ELP4: variants seen among roughly 807,000 people sequenced by gnomAD.
The protein encoded by ELP4 is elongator complex protein 4.
In ELP4, 51 loss-of-function variants were observed where a neutral mutation model predicts 48.9. The ratio of observed to expected loss-of-function variants is 1.04; its 90% CI spans 0.83 to 1.32. The LOEUF (loss-of-function observed/expected upper bound fraction) is 1.32. Among genes scored for constraint, ELP4 ranks in the 40% most tolerant of loss-of-function variants. The pLI is 0.00. For synonymous variants in ELP4, 210 were observed against 189.2 expected, an observed-to-expected ratio of 1.11 and a Z score of -0.90; for missense variants, 519 against 514.6, an observed-to-expected ratio of 1.01 and a Z score of -0.08.
chr11:31,758,690 A>G (rs901041518), intron 9 of ELP4, among the ~76,000 whole-genome samples: 5 of 141,318 alleles, frequency 3.5e-5, no homozygotes, highest in African/African-American at 1.3e-4. Flanking sequence ...TTTTTTTGAG[A>G]TGGTCTCACT....
intron 9 of ELP4, among the ~76,000 whole-genome samples, chr11:31,694,279 G>T (rs941380621): frequency 6.6e-6 from 1 of 152,090 alleles, no homozygotes; most frequent in African/African-American, 2.4e-5. Flanking sequence ...TTTCTTCTAG[G>T]GTTTTTATGG....
intron 9 of ELP4, among the ~76,000 whole-genome samples, chr11:31,736,721 A>G (rs1592266124): frequency 6.6e-6 from 1 of 152,252 alleles, no homozygotes; most frequent in African/African-American, 2.4e-5. Flanking sequence ...AAGACACATG[A>G]GAAAATGCTC....
intron 4 of ELP4, 71 bp downstream of exon 4, chr11:31,594,972 G>A: frequency 5.4e-6 from 7 of 1,301,998 alleles, no homozygotes; most frequent in Non-Finnish European, 7.3e-6. Context: ...ATCTCTTGTG[G>A]TATGCCTATA....
In ELP4 at chr11:31,647,760, G is replaced by A. The variant is rs749842817; in HGVS notation, c.947G>A (p.Arg316His). 37 of 1,607,758 alleles carry A rather than the reference G, an allele frequency of 2.3e-5. No individual in the cohort carries two copies. The highest frequency in any genetic ancestry group is 6.7e-5 in the African/African-American group (5 of 74,550). ...HLIQNKAIIA[R>H]VTTLSDVVVG... ...TTGCAGAATAAAGCCATTATTGCCC[G>A]TGTCACAACCTTGTCAGATGTAGTA... Residue 316 changes from arginine to histidine, a missense_variant, in exon 8 of 10, where the codon CGT becomes CAT. By Grantham distance (29) the Arg-to-His change is conservative. Transcript: ENST00000640961.
chr11:31,598,147 G>A (rs1364784534), intron 4 of ELP4, among the ~76,000 whole-genome samples: 4 of 151,508 alleles, frequency 2.6e-5, no homozygotes, highest in Admixed American at 6.6e-5. Context: ...ATAGAGATGG[G>A]GTTTCACTGT....
At chr11:31,679,254 C>G (rs1946005247) in intron 9 of ELP4, among the ~76,000 whole-genome samples, 1 of 152,104 alleles carries the variant, frequency 6.6e-6, no homozygotes, top group African/African-American at 2.4e-5. Flanking sequence ...TATTCATGTA[C>G]CACATATACC....
At chr11:31,593,019 G>A (rs891244316) in intron 3 of ELP4, among the ~76,000 whole-genome samples, 1 of 152,124 alleles carries the variant, frequency 6.6e-6, no homozygotes, top group African/African-American at 2.4e-5. Context: ...TGTCCCTGGG[G>A]TTGAAAAAGA....
intron 9 of ELP4, chr11:31,727,730 A>T (rs1397502372): frequency 6.6e-6 from 1 of 152,190 alleles, no homozygotes; most frequent in Non-Finnish European, 1.5e-5. Flanking sequence ...AACTACTCGA[A>T]TAATGAAGAA....
At chr11:31,597,102 A>G (rs943403458) in intron 4 of ELP4, among the ~76,000 whole-genome samples, 1 of 152,194 alleles carries the variant, frequency 6.6e-6, no homozygotes, top group African/African-American at 2.4e-5. Flanking sequence ...CTTCACGATT[A>G]CAAAAACATA....
intron 3 of ELP4, among the ~76,000 whole-genome samples, chr11:31,547,816 G>T (rs550886505): frequency 3.9e-4 from 59 of 152,322 alleles, no homozygotes; most frequent in Non-Finnish European, 6.9e-4. Context: ...TCCCTGGGAT[G>T]CAAGGCTGGT....
intron 3 of ELP4, among the ~76,000 whole-genome samples, chr11:31,550,932 G>A (rs572711224): frequency 2.0e-5 from 3 of 152,182 alleles, no homozygotes; most frequent in South Asian, 2.1e-4. Context: ...TCATCACTTC[G>A]ACTTGCTAGC....
chr11:31,580,295 A>G (rs1282196946), intron 3 of ELP4, among the ~76,000 whole-genome samples: 1 of 152,204 alleles, frequency 6.6e-6, no homozygotes, highest in South Asian at 2.1e-4. Flanking sequence ...CTTAGAATAA[A>G]TTTAGTATAC....
intron 5 of ELP4, among the ~76,000 whole-genome samples, chr11:31,617,297 C>A (rs898567615): frequency 6.6e-6 from 1 of 151,946 alleles, no homozygotes; most frequent in African/African-American, 2.4e-5. Flanking sequence ...CATGAGTGAA[C>A]CTTGACATTG....
intron 9 of ELP4, among the ~76,000 whole-genome samples, chr11:31,770,865 G>T (rs113556487): frequency 8.1e-6 from 1 of 123,578 alleles, no homozygotes; most frequent in South Asian, 3.1e-4. Context: ...AAGGAGGGAG[G>T]GGGGAGGGAA....
intron 5 of ELP4, among the ~76,000 whole-genome samples, chr11:31,607,036 A>G (rs1396033890): frequency 6.6e-6 from 1 of 152,068 alleles, no homozygotes; most frequent in Non-Finnish European, 1.5e-5. Flanking sequence ...TTTATAAAAG[A>G]GGGAGAGACA....
At chr11:31,746,266 A>G (rs935713043) in intron 9 of ELP4, among the ~76,000 whole-genome samples, 4 of 152,224 alleles carry the variant, frequency 2.6e-5, no homozygotes, top group Admixed American at 6.5e-5. Context: ...GTGGAGAAAT[A>G]GGAACACTTT....
chr11:31,772,279 C>G (rs889499566), intron 9 of ELP4, among the ~76,000 whole-genome samples: 3 of 152,058 alleles, frequency 2.0e-5, no homozygotes, highest in African/African-American at 7.2e-5. Context: ...AGGCATGCAC[C>G]ATGATGCCCG....
chr11:31,724,552 T>A (rs1947035042), intron 9 of ELP4, among the ~76,000 whole-genome samples: 1 of 152,184 alleles, frequency 6.6e-6, no homozygotes, highest in African/African-American at 2.4e-5. Context: ...ACAAGACAGA[T>A]CCTAATAATT....
chr11:31,659,663 A>AG (rs1390007839), intron 9 of ELP4, among the ~76,000 whole-genome samples: 3 of 152,120 alleles, frequency 2.0e-5, no homozygotes, highest in Non-Finnish European at 4.4e-5. Context: ...ATTTAATAAA[A>AG]AGAGAGAAGT....
Sources: allele counts gnomAD v4.1 joint callset (sites outside exome capture counted in the v4.1 genomes callset), GRCh38; gene constraint gnomAD v4.1.1; transcripts MANE v1.5; gene names NCBI Gene and HGNC (gene_info 2026-07-23, HGNC 2026-07-21).